CPA6: variants seen among roughly 807,000 people sequenced by gnomAD.
CPA6 encodes carboxypeptidase A6.
In CPA6, 58 loss-of-function variants were observed where a neutral mutation model predicts 63.3. The observed-to-expected ratio is 0.92, with a 90% CI of 0.74 to 1.14. The LOEUF is 1.14. Ranked by LOEUF, CPA6 falls within the 50% of genes most tolerant of loss-of-function variation. The probability of loss-of-function intolerance (pLI) is 0.00; values close to 1 mark genes in which losing one functional copy is unlikely to be tolerated. For synonymous variants in CPA6, 185 were observed against 179.0 expected, an observed-to-expected ratio of 1.03 and a Z score of -0.27; for missense variants, 565 against 526.6, an observed-to-expected ratio of 1.07 and a Z score of -0.71.
chr8:67,595,173 C>T (rs1232125241), intron 2 of CPA6, among the ~76,000 whole-genome samples: 2 of 152,190 alleles, frequency 1.3e-5, no homozygotes, highest in Non-Finnish European at 2.9e-5. Context: ...TGGGTATCAG[C>T]AGTGGTGTCT....
intron 2 of CPA6, among the ~76,000 whole-genome samples, chr8:67,603,767 T>C (rs1311295604): frequency 6.6e-6 from 1 of 152,198 alleles, no homozygotes. Flanking sequence ...CAGTGCTAGG[T>C]TATTTCTAAA....
chr8:67,712,094 G>A (rs929561118), intron 1 of CPA6, among the ~76,000 whole-genome samples: 3 of 152,160 alleles, frequency 2.0e-5, no homozygotes, highest in African/African-American at 7.2e-5. Context: ...GTGCCACCGA[G>A]CTCGACCTGT....
intron 1 of CPA6, among the ~76,000 whole-genome samples, chr8:67,734,997 C>G (rs1050538777): frequency 6.6e-6 from 1 of 152,152 alleles, no homozygotes; most frequent in Non-Finnish European, 1.5e-5. Context: ...GGGTCCTCAT[C>G]TAGTGATAGA....
At position 67,475,761 on chromosome 8, in the gene CPA6, TTCTTTC is replaced by T. The variant is rs1335584382; in HGVS notation, c.838+8001_838+8006del. ...TTTCTTTCCTTCTTTCTTTTTTTCT[TTCTTTC>T]TCTTTCTTTCTTTCTTTCTTTCTTT... On this transcript the variant is annotated intron_variant, in intron 8 of 10. Transcript: ENST00000297770. 9.0e-4 allele frequency among the ~76,000 whole-genome samples: 113 copies of T among 125,292 alleles called. 2 individuals carry two copies. Among genetic ancestry groups the T allele is most frequent in the Non-Finnish European group, 1.4e-3 (84 of 58,680 alleles). The allele number at this position is 125,292 out of a possible 152,430, so 82.2% of individuals were successfully genotyped here. A position where few individuals can be genotyped will look rare whatever the true frequency, so the allele number is the denominator to read the frequency against.
intron 8 of CPA6, among the ~76,000 whole-genome samples, chr8:67,440,770 A>G (rs868147751): frequency 6.6e-6 from 1 of 152,090 alleles, no homozygotes; most frequent in African/African-American, 2.4e-5. Flanking sequence ...GTATCTAAAC[A>G]TGGAAAAGGT....
At chr8:67,438,201 G>C (rs1381588590) in intron 8 of CPA6, among the ~76,000 whole-genome samples, 3 of 152,070 alleles carry the variant, frequency 2.0e-5, no homozygotes, top group Non-Finnish European at 4.4e-5. Flanking sequence ...TACAGGCATG[G>C]GCCACCATGC....
At chr8:67,558,532 C>G (rs1272028233) in intron 2 of CPA6, among the ~76,000 whole-genome samples, 2 of 152,078 alleles carry the variant, frequency 1.3e-5, no homozygotes, top group African/African-American at 4.8e-5. Context: ...ACAAATGAAC[C>G]CAGAAACGTA....
At position 67,434,249 on chromosome 8, in the gene CPA6, C is replaced by A; in HGVS notation, c.839-9G>T. The A allele has an allele frequency of 6.2e-7, 1 of 1,611,646 alleles. No homozygotes were observed. Among genetic ancestry groups the A allele is most frequent in the South Asian group, 1.1e-5 (1 of 90,958 alleles). ...CATAGAAGCTCCTTCATCTGCAAGT[C>A]AGAAAAGAAAATGGGGTAAGGAAGT... On this transcript the variant is annotated splice_polypyrimidine_tract_variant and intron_variant, in intron 8 of 10. Transcript: ENST00000297770.
At chr8:67,655,413 A>G (rs1563379432) in intron 1 of CPA6, among the ~76,000 whole-genome samples, 1 of 152,182 alleles carries the variant, frequency 6.6e-6, no homozygotes, top group South Asian at 2.1e-4. Flanking sequence ...TGTGACGTAC[A>G]AAACTTAGGA....
intron 6 of CPA6, among the ~76,000 whole-genome samples, chr8:67,506,501 G>C (rs1200090294): frequency 6.6e-6 from 1 of 152,168 alleles, no homozygotes; most frequent in African/African-American, 2.4e-5. Flanking sequence ...TATATGCATT[G>C]CTAGGTTAGT....
intron 1 of CPA6, among the ~76,000 whole-genome samples, chr8:67,664,084 T>G (rs1816176224): frequency 6.6e-6 from 1 of 152,240 alleles, no homozygotes; most frequent in Non-Finnish European, 1.5e-5. Context: ...TTTAAAGTTC[T>G]CATCTTAAAG....
intron 2 of CPA6, among the ~76,000 whole-genome samples, chr8:67,606,026 A>G (rs1213938338): frequency 6.6e-6 from 1 of 152,024 alleles, no homozygotes; most frequent in Non-Finnish European, 1.5e-5. Flanking sequence ...GCCCAGAAGA[A>G]TTCAATTTTT....
chr8:67,464,224 G>A (rs1053511759), intron 8 of CPA6, among the ~76,000 whole-genome samples: 3 of 152,042 alleles, frequency 2.0e-5, no homozygotes, highest in Admixed American at 1.3e-4. Flanking sequence ...GTGTGAGATC[G>A]TATCTCATTG....
chr8:67,714,187 A>T (rs920617817), intron 1 of CPA6, among the ~76,000 whole-genome samples: 1 of 152,196 alleles, frequency 6.6e-6, no homozygotes, highest in African/African-American at 2.4e-5. Flanking sequence ...TAAGTTATAC[A>T]TTACTTCTTC....
chr8:67,603,071 T>C (rs1052231078), intron 2 of CPA6, among the ~76,000 whole-genome samples: 9 of 152,224 alleles, frequency 5.9e-5, no homozygotes, highest in Non-Finnish European at 7.4e-5. Context: ...TGTGTGGCCA[T>C]ACTGAAAAGA....
At chr8:67,690,884 C>T (rs1207840150) in intron 1 of CPA6, among the ~76,000 whole-genome samples, 1 of 152,096 alleles carries the variant, frequency 6.6e-6, no homozygotes, top group Non-Finnish European at 1.5e-5. Flanking sequence ...CTTAAGATAA[C>T]AAATATAACT....
chr8:67,610,542 AT>A (rs1261622543), intron 2 of CPA6, among the ~76,000 whole-genome samples: 3 of 152,206 alleles, frequency 2.0e-5, no homozygotes, highest in Non-Finnish European at 2.9e-5. Flanking sequence ...ACTTAAACAC[AT>A]TATTAGTCAA....
chr8:67,602,745 C>T (rs972464644), intron 2 of CPA6, among the ~76,000 whole-genome samples: 10 of 152,116 alleles, frequency 6.6e-5, no homozygotes, highest in Admixed American at 3.3e-4. Flanking sequence ...GCGCCTCGAC[C>T]GGATGTCAGG....
chr8:67,506,919 T>C, intron 5 of CPA6, 31 bp from the exon 6 acceptor site: 1 of 1,481,160 alleles, frequency 6.8e-7, no homozygotes, highest in Non-Finnish European at 9.4e-7. Context: ...AGTAACCAAC[T>C]CAGGCTTTTA....
Sources: gnomAD v4.1 joint callset for allele counts (sites outside exome capture counted in the v4.1 genomes callset) on GRCh38, gnomAD v4.1.1 for gene constraint, MANE v1.5 for transcripts, NCBI Gene and HGNC (gene_info 2026-07-23, HGNC 2026-07-21) for gene names.